Variants in FNBP1 observed in about 807,000 individuals in gnomAD.
FNBP1 encodes the protein formin-binding protein 1.
In FNBP1, 26 loss-of-function variants were observed where a neutral mutation model predicts 90.6. The observed-to-expected ratio is 0.29, with a 90% confidence interval of 0.21 to 0.40. The LOEUF is 0.40. Among genes scored for constraint, FNBP1 ranks in the 10% least tolerant of loss-of-function variants. The pLI is 1.00. For synonymous variants in FNBP1, 260 were observed against 265.2 expected, an observed-to-expected ratio of 0.98 and a Z score of 0.19; for missense variants, 635 against 768.0, an observed-to-expected ratio of 0.83 and a Z score of 2.05.
At chr9:130,028,561 C>T (rs1025505909) in intron 1 of FNBP1, among the ~76,000 whole-genome samples, 3 of 152,096 alleles carry the variant, frequency 2.0e-5, no homozygotes, top group Admixed American at 6.6e-5. Flanking sequence ...CTATCAGAAC[C>T]TCCAGCTCCA....
Position 129,966,938 on chromosome 9 carries a change from TAGG to T in FNBP1, c.346-8388_346-8386del, listed in dbSNP as rs985050669. Among the ~76,000 whole-genome samples the T allele has an allele frequency of 6.6e-6, 1 of 152,068 alleles. No homozygotes were observed. Among genetic ancestry groups the T allele is most frequent in the Non-Finnish European group, 1.5e-5 (1 of 68,004 alleles). ...TAAGCATGGAAGCAGAGAAATGAATTAGGAGGCTCAGCAGAGTCCTCTAGATGA... is the reference window on the plus strand; with the variant it reads ...TAAGCATGGAAGCAGAGAAATGAATTAGGCTCAGCAGAGTCCTCTAGATGA... On this transcript the variant is annotated intron_variant, in intron 4 of 16. Coordinates refer to ENST00000446176, the MANE Select transcript of FNBP1 (RefSeq NM_015033.3). This position sits in a 1 kb window ranked among gnomAD's most constrained non-coding sequence, Gnocchi z 4.3.
intron 2 of FNBP1, among the ~76,000 whole-genome samples, chr9:129,988,824 A>C (rs775278709): frequency 1.3e-5 from 2 of 152,174 alleles, no homozygotes; most frequent in Non-Finnish European, 2.9e-5. Context: ...CAAGTAGTGG[A>C]TGGATTTGGC....
chr9:129,904,987 T>C (rs916845788), intron 12 of FNBP1, among the ~76,000 whole-genome samples: 5 of 152,138 alleles, frequency 3.3e-5, no homozygotes, highest in Non-Finnish European at 7.4e-5. Flanking sequence ...TGTTAAATGT[T>C]CTTAAAAATG....
intron 4 of FNBP1, among the ~76,000 whole-genome samples, chr9:129,973,847 G>A (rs1183130438): frequency 3.4e-5 from 5 of 146,812 alleles, no homozygotes; most frequent in African/African-American, 1.3e-4. Flanking sequence ...GTCTCACTCT[G>A]TCACCCAGGC....
intron 4 of FNBP1, among the ~76,000 whole-genome samples, chr9:129,978,080 GC>G (rs763608042): frequency 2.0e-5 from 3 of 151,744 alleles, no homozygotes; most frequent in Non-Finnish European, 2.9e-5. Context: ...GAGCACAGGT[GC>G]AAAATCTCGG....
chr9:129,993,486 A>C (rs560746488), intron 2 of FNBP1, among the ~76,000 whole-genome samples: 9 of 150,628 alleles, frequency 6.0e-5, no homozygotes, highest in South Asian at 2.1e-4. Flanking sequence ...ACTTAAAAAA[A>C]AAAAAAAAAC....
intron 16 of FNBP1, among the ~76,000 whole-genome samples, chr9:129,893,287 A>C (rs1253865949): frequency 6.6e-6 from 1 of 151,900 alleles, no homozygotes; most frequent in African/African-American, 2.4e-5. Context: ...GGCTTTATTG[A>C]TACTATGCCA....
At position 129,890,398 on chromosome 9, in the gene FNBP1, G is replaced by GGAGAGA; in HGVS notation, c.*135_*140dup. On this transcript the variant is annotated 3_prime_UTR_variant, in exon 17 of 17. Transcript: ENST00000446176. This position sits in a 1 kb window ranked among gnomAD's most constrained non-coding sequence, Gnocchi z 5.8. ...AGGGCAGGGCCGCAGGGAGCATGCTGGAGAGAGAGAGAGACCGCCCCGCAG... is the reference window on the plus strand; with the variant it reads ...AGGGCAGGGCCGCAGGGAGCATGCTGGAGAGAGAGAGAGAGAGAGACCGCCCCGCAG... The GGAGAGA allele has an allele frequency of 1.6e-5, 9 of 558,198 alleles. No individual in the cohort carries two copies. The highest frequency in any genetic ancestry group is 4.2e-5 in the South Asian group (2 of 47,528). 34.6% of individuals were successfully genotyped at this position (558,198 alleles called of 1,614,324 possible).
intron 1 of FNBP1, among the ~76,000 whole-genome samples, chr9:130,025,842 T>A (rs1333401725): frequency 6.6e-6 from 1 of 152,056 alleles, no homozygotes; most frequent in Admixed American, 6.6e-5. Context: ...AAGAACTGCT[T>A]GAACCCAGGA....
chr9:129,950,951 G>C (rs369797409), intron 6 of FNBP1, among the ~76,000 whole-genome samples: 10 of 139,986 alleles, frequency 7.1e-5, no homozygotes, highest in Non-Finnish European at 1.1e-4. Flanking sequence ...AAACCATCAC[G>C]CTCAGCTAAT....
chr9:130,007,699 C>T (rs1472047672), intron 1 of FNBP1, among the ~76,000 whole-genome samples: 2 of 152,084 alleles, frequency 1.3e-5, no homozygotes, highest in Non-Finnish European at 2.9e-5. Context: ...CCCAAAGATG[C>T]GGAGTGAAAG....
rs200429592 is a variant in FNBP1 at position 129,985,711 on chromosome 9, C to CAG, written c.141-6339_141-6338dup. ...GTGTGGTGGCTCATGCCTATAATCCCAGCACTCTGGGAGGCCGAGGCAGGT... is the reference window on the plus strand; with the variant it reads ...GTGTGGTGGCTCATGCCTATAATCCCAGAGCACTCTGGGAGGCCGAGGCAGGT... On this transcript the variant is annotated intron_variant, in intron 2 of 16. Coordinates refer to ENST00000446176, the MANE Select transcript of FNBP1 (RefSeq NM_015033.3). 9.0e-3 allele frequency among the ~76,000 whole-genome samples: 1,367 copies of CAG among 152,224 alleles called. 15 individuals are homozygous for CAG. Among genetic ancestry groups the CAG allele is most frequent in the Non-Finnish European group, 0.014 (931 of 68,010 alleles).
intron 12 of FNBP1, among the ~76,000 whole-genome samples, chr9:129,904,518 CAATAG>C (rs2037598998): frequency 6.6e-6 from 1 of 152,108 alleles, no homozygotes; most frequent in Admixed American, 6.6e-5. Flanking sequence ...CCATACAATA[CAATAG>C]AAGGCCAAAA....
rs532161851 is a variant in FNBP1, at chr9:130,008,651, G to A, written c.25-13693C>T. On this transcript the variant is annotated intron_variant, in intron 1 of 16. Coordinates refer to ENST00000446176, the MANE Select transcript of FNBP1 (RefSeq NM_015033.3). ...CAGTGTCTGGCTTCAACCTGAAAACGGAATCTTCTGGTTCATTTCCTGATT... is the reference window on the plus strand; with the variant it reads ...CAGTGTCTGGCTTCAACCTGAAAACAGAATCTTCTGGTTCATTTCCTGATT... 3.3e-5 allele frequency among the ~76,000 whole-genome samples: 5 copies of A among 152,260 alleles called. No individual in the cohort carries two copies. In the East Asian group the frequency reaches 5.8e-4, roughly 18 times the overall value.
chr9:129,955,766 AAAAAT>A (rs2046836907), intron 6 of FNBP1, among the ~76,000 whole-genome samples: 2 of 151,290 alleles, frequency 1.3e-5, no homozygotes, highest in East Asian at 1.9e-4. Context: ...AATAAACATA[AAAAAT>A]AAAATAAAAA....
chr9:129,897,476 T>C (rs1022518230), intron 15 of FNBP1, among the ~76,000 whole-genome samples: 2 of 152,236 alleles, frequency 1.3e-5, no homozygotes, highest in African/African-American at 4.8e-5. Flanking sequence ...AAAAGTCCTG[T>C]AGTAAAGAAA....
chr9:130,019,156 G>A (rs2057560818), intron 1 of FNBP1, among the ~76,000 whole-genome samples: 1 of 152,030 alleles, frequency 6.6e-6, no homozygotes, highest in Non-Finnish European at 1.5e-5. Flanking sequence ...GAGTCTGGGA[G>A]GCAGAGGTTG....
Position 129,957,274 on chromosome 9 carries a change from G to C in FNBP1, c.513+86C>G. Reference sequence around the variant, plus strand: ...GCTGGTCTCGAACTCCTGGCCTCAGGTGATCCGCTCACCTCAGCCTCCCAA... The same window carrying C: ...GCTGGTCTCGAACTCCTGGCCTCAGCTGATCCGCTCACCTCAGCCTCCCAA... On this transcript the variant is annotated intron_variant, in intron 6 of 16. Coordinates refer to ENST00000446176, the MANE Select transcript of FNBP1 (RefSeq NM_015033.3). The surrounding 1 kb of genome is among the most constrained non-coding windows in gnomAD (Gnocchi z 4.3). The C allele has an allele frequency of 1.1e-6, 1 of 930,030 alleles. No homozygotes were observed. Among genetic ancestry groups the C allele is most frequent in the Non-Finnish European group, 1.7e-6 (1 of 585,812 alleles). The allele number at this position is 930,030 out of a possible 1,614,324, so 57.6% of individuals were successfully genotyped here. A position where few individuals can be genotyped will look rare whatever the true frequency, so the allele number is the denominator to read the frequency against.
chr9:130,032,466 T>C (rs931653941), intron 1 of FNBP1, among the ~76,000 whole-genome samples: 16 of 152,360 alleles, frequency 1.1e-4, no homozygotes, highest in Admixed American at 9.1e-4. Flanking sequence ...CCACCGTGCC[T>C]GGCCAATAAG....
Sources: gnomAD v4.1 joint callset for allele counts (sites outside exome capture counted in the v4.1 genomes callset) on GRCh38, gnomAD v4.1.1 for gene constraint, Gnocchi (gnomAD v3.1) non-coding constraint, MANE v1.5 for transcripts, NCBI Gene and HGNC (gene_info 2026-07-23, HGNC 2026-07-21) for gene names.